OSBPL6: variants seen among roughly 807,000 people sequenced by gnomAD.
OSBPL6 encodes oxysterol-binding protein-related protein 6.
Under a neutral mutation model 125.8 loss-of-function variants are expected in OSBPL6, and 49 were observed. The ratio of observed to expected loss-of-function variants is 0.39; its 90% CI spans 0.31 to 0.49. OSBPL6 has a LOEUF of 0.49. Among genes scored for constraint, OSBPL6 ranks in the 20% least tolerant of loss-of-function variants. The pLI is 0.88. For synonymous variants in OSBPL6, 394 were observed against 391.8 expected (o/e 1.01, Z -0.07); for missense variants, 986 against 1,135.4 (o/e 0.87, Z 1.89).
intron 1 of OSBPL6, among the ~76,000 whole-genome samples, chr2:178,233,465 T>C: frequency 6.6e-6 from 1 of 152,234 alleles, no homozygotes; most frequent in East Asian, 1.9e-4. Flanking sequence ...CCTTCATTTC[T>C]GGCAGTTCTG....
chr2:178,239,027 T>C (rs559753241), intron 1 of OSBPL6, among the ~76,000 whole-genome samples: 48 of 152,312 alleles, frequency 3.2e-4, no homozygotes, highest in African/African-American at 1.2e-3. Flanking sequence ...ATGTGACACA[T>C]TAAAAAATAT....
In OSBPL6 at chr2:178,394,387, G is replaced by C. The variant is rs367905415; in HGVS notation, c.2648G>C (p.Arg883Thr). ...GTAGAGGAACTCCAGAGATCTCGGA[G>C]ACGATATATGGAAGAAAACAATCTT... ...QRVEELQRSR[R>T]RYMEENNLEH... Residue 883 changes from arginine to threonine, a missense_variant, in exon 24 of 25, where the codon AGA (arginine) becomes ACA (threonine). By Grantham distance (71) the Arg-to-Thr change is moderately conservative. This residue lies in a region of OSBPL6 where 843 missense variants were observed against 997.3 expected (regional missense o/e 0.85). Coordinates refer to ENST00000190611, the MANE Select transcript of OSBPL6 (RefSeq NM_032523.4). The C allele has an allele frequency of 1.9e-6, 3 of 1,613,244 alleles. No homozygotes were observed. The highest frequency in any genetic ancestry group is 8.5e-7 in the Non-Finnish European group (1 of 1,179,556).
At chr2:178,350,785 G>T (rs1691183748) in intron 12 of OSBPL6, among the ~76,000 whole-genome samples, 1 of 152,174 alleles carries the variant, frequency 6.6e-6, no homozygotes, top group South Asian at 2.1e-4. Flanking sequence ...AGGTGCAAAA[G>T]GTAGAGTGTG....
At chr2:178,241,947 A>G (rs1316265326) in intron 1 of OSBPL6, among the ~76,000 whole-genome samples, 1 of 152,220 alleles carries the variant, frequency 6.6e-6, no homozygotes, top group Non-Finnish European at 1.5e-5. Flanking sequence ...TATTCAGTAC[A>G]ATAACATGCT....
intron 1 of OSBPL6, among the ~76,000 whole-genome samples, chr2:178,256,400 A>G (rs1192288745): frequency 6.6e-6 from 1 of 152,202 alleles, no homozygotes; most frequent in Non-Finnish European, 1.5e-5. Context: ...GGCGTTGTGT[A>G]GTATCATCTA....
intron 1 of OSBPL6, among the ~76,000 whole-genome samples, chr2:178,197,013 C>T (rs974222778): frequency 1.4e-5 from 2 of 145,630 alleles, no homozygotes; most frequent in Admixed American, 1.4e-4. Flanking sequence ...GTATGTTTCT[C>T]TTTTCTCCTC....
chr2:178,201,536 G>A (rs777494071), intron 1 of OSBPL6, among the ~76,000 whole-genome samples: 3 of 152,114 alleles, frequency 2.0e-5, no homozygotes, highest in East Asian at 3.9e-4. Flanking sequence ...CACAGCACGC[G>A]GCAAGAGACA....
chr2:178,269,800 T>G (rs952374849), intron 1 of OSBPL6, among the ~76,000 whole-genome samples: 2 of 152,136 alleles, frequency 1.3e-5, no homozygotes, highest in Non-Finnish European at 2.9e-5. Flanking sequence ...AAGTGGATCC[T>G]GAGGTAGGGC....
chr2:178,207,002 C>T (rs1159591132), intron 1 of OSBPL6, among the ~76,000 whole-genome samples: 2 of 152,126 alleles, frequency 1.3e-5, no homozygotes, highest in African/African-American at 4.8e-5. Flanking sequence ...GTCCTGGACT[C>T]AAGGGATCCT....
At chr2:178,351,552 A>G (rs772288492) in intron 12 of OSBPL6, among the ~76,000 whole-genome samples, 1 of 152,244 alleles carries the variant, frequency 6.6e-6, no homozygotes, top group Non-Finnish European at 1.5e-5. Context: ...ACTGAGAACT[A>G]TAAAAAAAAT....
At chr2:178,208,766 G>GTCCTTCCATCCTTCCTTCCTTCCTCTCTT (rs2089685319) in intron 1 of OSBPL6, among the ~76,000 whole-genome samples, 1 of 124,388 alleles carries the variant, frequency 8.0e-6, no homozygotes, top group African/African-American at 3.0e-5. Flanking sequence ...CCCTCCTTCT[G>GTCCTTCCATCCTTCCTTCCTTCCTCTCTT]TCCTTCCATC....
At chr2:178,392,649 A>T in intron 23 of OSBPL6, 111 bp downstream of exon 23, 1 of 1,361,292 alleles carries the variant, frequency 7.3e-7, no homozygotes, top group Non-Finnish European at 9.9e-7. Context: ...TGAGGTCAGG[A>T]ATTCAAGACC....
At chr2:178,328,737 C>T (rs1688924656) in intron 5 of OSBPL6, among the ~76,000 whole-genome samples, 3 of 152,162 alleles carry the variant, frequency 2.0e-5, no homozygotes, top group South Asian at 2.1e-4. Flanking sequence ...ATCCGCCCAC[C>T]TCAGCCTCAC....
At position 178,401,586 on chromosome 2, in the gene OSBPL6, A is replaced by C. The variant is rs1696104840; in HGVS notation, c.*6027A>C. Reference sequence around the variant, plus strand: ...AACATGAAATGCTAATGAAGAAACAAGGCAAGAATGAATACAAGAGAAATG... The same window carrying C: ...AACATGAAATGCTAATGAAGAAACACGGCAAGAATGAATACAAGAGAAATG... On this transcript the variant is annotated 3_prime_UTR_variant, in exon 25 of 25. Coordinates refer to ENST00000190611, the MANE Select transcript of OSBPL6 (RefSeq NM_032523.4). 1 of 152,254 alleles carries C rather than the reference A, an allele frequency of 6.6e-6. No homozygotes were observed. The highest frequency in any genetic ancestry group is 2.4e-5 in the African/African-American group (1 of 41,464). The allele number at this position is 152,254 out of a possible 1,614,324, so 9.4% of individuals were successfully genotyped here. A position where few individuals can be genotyped will look rare whatever the true frequency, so the allele number is the denominator to read the frequency against.
At position 178,202,314 on chromosome 2, in the gene OSBPL6, A is replaced by G. The variant is rs76264693; in HGVS notation, c.-351+7640A>G. On this transcript the variant is annotated intron_variant, in intron 1 of 24. Transcript: ENST00000190611. Reference sequence around the variant, plus strand: ...CTTTCTTTAACATTTCTTGTTTCCAATGGTGCTAACTTTTTCACTTCTGTG... The same window carrying G: ...CTTTCTTTAACATTTCTTGTTTCCAGTGGTGCTAACTTTTTCACTTCTGTG... 8.4e-3 allele frequency among the ~76,000 whole-genome samples: 1,273 copies of G among 152,044 alleles called. 28 individuals are homozygous for G. The highest frequency in any genetic ancestry group is 0.077 in the East Asian group (399 of 5,166).
intron 3 of OSBPL6, among the ~76,000 whole-genome samples, chr2:178,319,490 C>G (rs947793648): frequency 4.3e-4 from 66 of 152,324 alleles, no homozygotes; most frequent in African/African-American, 1.5e-3. Flanking sequence ...TATATACAAG[C>G]TTGACTCGAG....
rs535796688 is a variant in OSBPL6, at chr2:178,252,073, T to C, written c.-350-32854T>C. Among the ~76,000 whole-genome samples the C allele has an allele frequency of 4.6e-4, 70 of 150,724 alleles. 2 individuals are homozygous for C. The South Asian group carries it at 0.013, about 29-fold the overall frequency. ...GAGATGGCACGGGCTGAGTAGTAGA[T>C]TGCTAGTTCTTGGGTTGGAAACCAC... On this transcript the variant is annotated intron_variant, in intron 1 of 24. Transcript: ENST00000190611.
intron 1 of OSBPL6, among the ~76,000 whole-genome samples, chr2:178,221,683 T>G (rs1574526998): frequency 6.6e-6 from 1 of 152,328 alleles, no homozygotes; most frequent in East Asian, 1.9e-4. Context: ...AGGATTGACT[T>G]TGCAAAGATG....
intron 1 of OSBPL6, among the ~76,000 whole-genome samples, chr2:178,223,068 G>A (rs2090410543): frequency 6.6e-6 from 1 of 152,134 alleles, no homozygotes; most frequent in Admixed American, 6.5e-5. Context: ...AAGCAACACT[G>A]TGATGAACAT....
Sources: gnomAD v4.1 joint callset for allele counts (sites outside exome capture counted in the v4.1 genomes callset) on GRCh38, gnomAD v4.1.1 for gene constraint, gnomAD v4.1.1 regional missense constraint, MANE v1.5 for transcripts, NCBI Gene and HGNC (gene_info 2026-07-23, HGNC 2026-07-21) for gene names.